SLC20A2: variants seen among roughly 807,000 people sequenced by gnomAD.
SLC20A2 encodes the protein sodium-dependent phosphate transporter 2.
Under a neutral mutation model 61.0 loss-of-function variants are expected in SLC20A2, and 30 were observed. That is an observed-to-expected ratio of 0.49 (90% CI 0.37 to 0.67). SLC20A2 has a LOEUF of 0.67. SLC20A2 is among the 30% of genes least tolerant of loss of function. The pLI is 0.00. For synonymous variants in SLC20A2, 351 were observed against 353.3 expected, an observed-to-expected ratio of 0.99 and a Z score of 0.07; for missense variants, 626 against 866.4, an observed-to-expected ratio of 0.72 and a Z score of 3.48.
intron 1 of SLC20A2, among the ~76,000 whole-genome samples, chr8:42,497,129 G>C (rs1809987475): frequency 6.6e-6 from 1 of 152,226 alleles, no homozygotes; most frequent in African/African-American, 2.4e-5. Flanking sequence ...TCTTCTCTAA[G>C]TGACAAAAGG....
chr8:42,479,525 C>CCA (rs1478150777), intron 1 of SLC20A2, among the ~76,000 whole-genome samples: 1 of 151,844 alleles, frequency 6.6e-6, no homozygotes, highest in Admixed American at 6.6e-5. Context: ...TAGTTATCTT[C>CCA]TTATTGAAAT....
At chr8:42,511,444 C>T (rs373024640) in intron 1 of SLC20A2, among the ~76,000 whole-genome samples, 3 of 152,020 alleles carry the variant, frequency 2.0e-5, no homozygotes, top group African/African-American at 4.8e-5. Context: ...CTGGCCAACA[C>T]AGTGAAACCC....
In SLC20A2 at chr8:42,439,560, G is replaced by A; in HGVS notation, c.824C>T (p.Pro275Leu). Residue 275 changes from proline to leucine, a missense_variant, in exon 7 of 11, where the codon CCA (proline) becomes CTA (leucine). Physicochemically the swap from Pro to Leu is moderately conservative, Grantham distance 98. Around this residue, in one of 3 missense-constraint regions of SLC20A2, gnomAD observed 361 missense variants for 422.3 expected, o/e 0.85. Transcript: ENST00000520262. Reference protein sequence around the residue: ...EAESPVFKELPGAKANDDSTI... With the variant: ...EAESPVFKELLGAKANDDSTI... ...GCTGTCATCATTAGCCTTGGCACCT[G>A]GTAGCTCTTTAAATACTGGGGACTC... The A allele has an allele frequency of 1.2e-6, 2 of 1,614,172 alleles. No individual in the cohort carries two copies. The highest frequency in any genetic ancestry group is 8.5e-7 in the Non-Finnish European group (1 of 1,180,018).
intron 5 of SLC20A2, among the ~76,000 whole-genome samples, chr8:42,445,022 C>A (rs541372346): frequency 1.3e-5 from 2 of 152,156 alleles, no homozygotes; most frequent in African/African-American, 4.8e-5. Context: ...CCAGGCATGG[C>A]GGCTCACACC....
At chr8:42,435,807 A>C (rs1056196005) in intron 8 of SLC20A2, among the ~76,000 whole-genome samples, 2 of 152,094 alleles carry the variant, frequency 1.3e-5, no homozygotes, top group Admixed American at 6.6e-5. Flanking sequence ...GAGCCTTCTC[A>C]CTGGGGTTGA....
chr8:42,493,372 C>G (rs1330725603), intron 1 of SLC20A2, among the ~76,000 whole-genome samples: 1 of 151,578 alleles, frequency 6.6e-6, no homozygotes, highest in Non-Finnish European at 1.5e-5. Flanking sequence ...GTGAGATACA[C>G]CGTGATACTA....
chr8:42,494,387 CTAT>C (rs1301141632), intron 1 of SLC20A2, among the ~76,000 whole-genome samples: 2 of 151,964 alleles, frequency 1.3e-5, no homozygotes, highest in African/African-American at 2.4e-5. Flanking sequence ...AGAAAGTTTT[CTAT>C]TATTACATAA....
intron 5 of SLC20A2, among the ~76,000 whole-genome samples, chr8:42,456,631 C>T (rs565597340): frequency 2.7e-5 from 4 of 149,866 alleles, no homozygotes; most frequent in Non-Finnish European, 4.4e-5. Flanking sequence ...ACTTGGGAAG[C>T]TGAGGCAAGA....
At position 42,472,322 on chromosome 8, in the gene SLC20A2, A is replaced by T. The variant is rs556568855; in HGVS notation, c.69T>A (p.Ser23=). ...GFIIAFILAF[S]VGANDVANSF... ...AGTTGGCAACATCGTTTGCACCAACAGAAAAGGCCAAGATGAAAGCTATGA... is the reference window on the plus strand; with the variant it reads ...AGTTGGCAACATCGTTTGCACCAACTGAAAAGGCCAAGATGAAAGCTATGA... The change falls in exon 2 of 11, where the codon TCT becomes TCA. Residue 23 remains serine, a synonymous_variant. Coordinates refer to ENST00000520262, the MANE Select transcript of SLC20A2 (RefSeq NM_001257180.2). The surrounding 1 kb of genome is among the most constrained non-coding windows in gnomAD (Gnocchi z 4.1). 1 of 1,614,268 alleles carries T rather than the reference A, an allele frequency of 6.2e-7. No individual in the cohort carries two copies.
At chr8:42,503,152 A>G (rs1439502377), upstream of SLC20A2, among the ~76,000 whole-genome samples, 1 of 152,212 alleles carries the variant, frequency 6.6e-6, no homozygotes, top group African/African-American at 2.4e-5. Context: ...ACAGTGGAAG[A>G]ACCAAAGCAT....
chr8:42,454,219 G>A (rs1460969749), intron 5 of SLC20A2, among the ~76,000 whole-genome samples: 1 of 152,132 alleles, frequency 6.6e-6, no homozygotes, highest in African/African-American at 2.4e-5. Flanking sequence ...AGCAAGGATG[G>A]TCTCGATCTC....
At chr8:42,513,249 C>T (rs982233435) in intron 1 of SLC20A2, among the ~76,000 whole-genome samples, 3 of 152,132 alleles carry the variant, frequency 2.0e-5, no homozygotes, top group African/African-American at 7.2e-5. Context: ...GGAGAACTGT[C>T]CATATAAGGG....
intron 1 of SLC20A2, among the ~76,000 whole-genome samples, chr8:42,527,562 G>GAGGTTGGGAGTTCA (rs1404183933): frequency 2.0e-5 from 3 of 151,984 alleles, no homozygotes; most frequent in South Asian, 4.1e-4. Flanking sequence ...CGGATCACCT[G>GAGGTTGGGAGTTCA]AGGTTGGGAG....
chr8:42,492,990 G>C (rs557960548), intron 1 of SLC20A2, among the ~76,000 whole-genome samples: 3 of 152,124 alleles, frequency 2.0e-5, no homozygotes, highest in Non-Finnish European at 4.4e-5. Flanking sequence ...CTTGGTTTTC[G>C]ATTAAGTTTA....
chr8:42,463,014 G>A lies in SLC20A2; in HGVS notation c.507C>T (p.Ile169=), dbSNP rs1563486890. 5.7e-6 allele frequency: 9 copies of A among 1,588,794 alleles called. No homozygotes were observed. Among genetic ancestry groups the A allele is most frequent in the Non-Finnish European group, 7.7e-6 (9 of 1,168,288 alleles). The change falls in exon 4 of 11, where the codon ATC becomes ATT. Residue 169 remains isoleucine (I), a synonymous_variant. Transcript: ENST00000520262. ...GLLFVLIRIF[I]LKKEDPVPNG... ...TAGCAGCCCCACTTACCTTTTTTAA[G>A]ATGAAAATTCTGATGAGTACAAACA... is the stretch of plus-strand genomic sequence containing the variant.
At chr8:42,531,849 C>A (rs1053553506) in intron 1 of SLC20A2, among the ~76,000 whole-genome samples, 1 of 147,114 alleles carries the variant, frequency 6.8e-6, no homozygotes. Context: ...GAGACAGAGT[C>A]TCGCTGTCAC....
At chr8:42,464,090 A>ATATTTTTTTTTT (rs1563488008) in intron 3 of SLC20A2, among the ~76,000 whole-genome samples, 2 of 19,996 alleles carry the variant, frequency 1.0e-4, no homozygotes, top group Non-Finnish European at 2.6e-4. Context: ...AGGCTGGATG[A>ATATTTTTTTTTT]TCTTTTTTTT....
At chr8:42,486,278 T>C (rs1033560818) in intron 1 of SLC20A2, among the ~76,000 whole-genome samples, 12 of 152,046 alleles carry the variant, frequency 7.9e-5, no homozygotes, top group African/African-American at 2.9e-4. Flanking sequence ...TGGAGTGCAG[T>C]GGCACGATAA....
intron 1 of SLC20A2, among the ~76,000 whole-genome samples, chr8:42,477,815 G>T (rs1043052060): frequency 5.3e-5 from 8 of 151,982 alleles, no homozygotes; most frequent in Non-Finnish European, 2.9e-5. Context: ...AAGAGGTAGA[G>T]AAGAGAAACA....
Sources: allele counts gnomAD v4.1 joint callset (sites outside exome capture counted in the v4.1 genomes callset), GRCh38; gene constraint gnomAD v4.1.1; regional missense constraint gnomAD v4.1.1; non-coding constraint Gnocchi (gnomAD v3.1); transcripts MANE v1.5; gene names NCBI Gene and HGNC (gene_info 2026-07-23, HGNC 2026-07-21).